SP4: variants seen among roughly 807,000 people sequenced by gnomAD.
The protein encoded by SP4 is Sp4 transcription factor, also known as transcription factor Sp4.
In SP4, 19 loss-of-function variants were observed where a neutral mutation model predicts 72.8. That is an observed-to-expected ratio of 0.26 (90% CI 0.18 to 0.38). SP4 has a LOEUF of 0.38. SP4 is among the 10% of genes least tolerant of loss of function. The pLI is 1.00. For synonymous variants in SP4, 395 were observed against 333.1 expected (o/e 1.19, Z -2.02); for missense variants, 1,008 against 926.3 (o/e 1.09, Z -1.14).
chr7:21,430,782 C>A lies in SP4; in HGVS notation c.1617C>A (p.Ala539=), dbSNP rs1782819250. 6.2e-7 allele frequency: 1 copy of A among 1,614,062 alleles called. No individual in the cohort carries two copies. Among genetic ancestry groups the A allele is most frequent in the African/African-American group, 1.3e-5 (1 of 74,930 alleles). The change falls in exon 3 of 6, where the codon GCC becomes GCA. Residue 539 remains alanine (A), a synonymous_variant. Transcript: ENST00000222584. ...SVPNLQTVSV[A]NLGAAGVQVQ... is the part of the protein sequence containing the mutation. ...CTAACCTTCAGACAGTGAGCGTTGC[C>A]AACCTGGGTGCTGCAGGTGTTCAAG...
intron 4 of SP4, among the ~76,000 whole-genome samples, chr7:21,481,539 A>G (rs933653999): frequency 2.6e-5 from 4 of 152,190 alleles, no homozygotes; most frequent in Admixed American, 2.6e-4. Context: ...AACTCCTCAC[A>G]CTGCCCTGCT....
rs957477542 is a variant in SP4 at position 21,508,137 on chromosome 7, G to A, written c.2108-2885G>A. The stretch of plus-strand genomic sequence containing the variant: ...GCTTCTGTGGGGAGCCAGGATGCCC[G>A]GACAGAGTGGGCCACCCAAATCGGG... On this transcript the variant is annotated intron_variant, in intron 5 of 5. Transcript: ENST00000222584. Among the ~76,000 whole-genome samples the A allele has an allele frequency of 4.6e-5, 7 of 152,156 alleles. No individual in the cohort carries two copies. In the South Asian group the frequency reaches 1.2e-3, roughly 27 times the overall value.
At chr7:21,494,627 G>A (rs1368650659) in intron 5 of SP4, among the ~76,000 whole-genome samples, 2 of 152,138 alleles carry the variant, frequency 1.3e-5, no homozygotes, top group African/African-American at 2.4e-5. Flanking sequence ...AGAATGCAAT[G>A]AAGAACTACA....
rs147170473 is a variant in SP4, at chr7:21,430,259, C to G, written c.1094C>G (p.Pro365Arg). 5 of 1,614,256 alleles carry G rather than the reference C, an allele frequency of 3.1e-6. No individual in the cohort carries two copies. The highest frequency in any genetic ancestry group is 4.2e-6 in the Non-Finnish European group (5 of 1,180,056). ...SERTIEESQT[P>R]AATESEAQSS... ...CGCACCATTGAAGAATCTCAAACAC[C>G]TGCTGCTACTGAGTCTGAAGCCCAG... is the stretch of plus-strand genomic sequence containing the variant. The change falls in exon 3 of 6, where the codon CCT becomes CGT. Residue 365 changes from proline to arginine, a missense_variant. By Grantham distance (103) the Pro-to-Arg change is moderately radical (BLOSUM62 -2). Transcript: ENST00000222584.
intron 3 of SP4, among the ~76,000 whole-genome samples, chr7:21,461,909 G>A (rs1464714061): frequency 6.6e-6 from 1 of 152,188 alleles, no homozygotes; most frequent in African/African-American, 2.4e-5. Context: ...GTTGGTAGAA[G>A]TTTGGTTGTA....
At chr7:21,461,606 G>A (rs950470702) in intron 3 of SP4, among the ~76,000 whole-genome samples, 1 of 152,122 alleles carries the variant, frequency 6.6e-6, no homozygotes, top group Non-Finnish European at 1.5e-5. Flanking sequence ...GCGCAGCCCC[G>A]GTTGCCACCC....
chr7:21,466,169 C>G (rs544117481), intron 3 of SP4, among the ~76,000 whole-genome samples: 1 of 152,206 alleles, frequency 6.6e-6, no homozygotes, highest in African/African-American at 2.4e-5. Context: ...TGTGTCTTCC[C>G]TACAGGTGAG....
chr7:21,454,089 A>G (rs184612036), intron 3 of SP4, among the ~76,000 whole-genome samples: 38 of 152,310 alleles, frequency 2.5e-4, no homozygotes, highest in African/African-American at 8.2e-4. Context: ...AGCAGCTTTT[A>G]CTTTGGATGA....
intron 3 of SP4, among the ~76,000 whole-genome samples, chr7:21,446,146 A>G (rs1783420518): frequency 6.6e-6 from 1 of 152,012 alleles, no homozygotes; most frequent in African/African-American, 2.4e-5. Flanking sequence ...ATTATATTCT[A>G]TACCTATTCA....
chr7:21,471,073 G>A (rs535200691), intron 3 of SP4: 8 of 534,612 alleles, frequency 1.5e-5, no homozygotes, highest in Admixed American at 1.9e-5. Context: ...TCAAATGCTC[G>A]GAGACACAGA....
rs1219198423 is a variant in SP4 at position 21,513,826 on chromosome 7, TAGC to T, written c.*2560_*2562del. On this transcript the variant is annotated 3_prime_UTR_variant, in exon 6 of 6. Coordinates refer to ENST00000222584, the MANE Select transcript of SP4 (RefSeq NM_003112.5). ...GCATATAAAATATGTTAATTTGTGTTAGCAGGTGCACATTTCACCACTGAAATT... is the reference window on the plus strand; with the variant it reads ...GCATATAAAATATGTTAATTTGTGTTAGGTGCACATTTCACCACTGAAATT... 6.6e-6 allele frequency: 1 copy of T among 152,194 alleles called. No individual in the cohort carries two copies. The highest frequency in any genetic ancestry group is 2.4e-5 in the African/African-American group (1 of 41,464). 9.4% of individuals were successfully genotyped at this position (152,194 alleles called of 1,614,324 possible).
chr7:21,477,334 C>G (rs1335803243), intron 4 of SP4, 27 bp downstream of exon 4: 2 of 1,506,990 alleles, frequency 1.3e-6, no homozygotes, highest in Non-Finnish European at 1.8e-6. Flanking sequence ...TCAACTGTGT[C>G]TATTTGGAAG....
intron 5 of SP4, among the ~76,000 whole-genome samples, chr7:21,494,800 G>A (rs777705390): frequency 6.6e-6 from 1 of 152,116 alleles, no homozygotes; most frequent in African/African-American, 2.4e-5. Flanking sequence ...GAAAGGCAAA[G>A]CAATTAGAAT....
At chr7:21,497,993 C>G (rs1015321068) in intron 5 of SP4, among the ~76,000 whole-genome samples, 4 of 152,112 alleles carry the variant, frequency 2.6e-5, no homozygotes, top group Non-Finnish European at 5.9e-5. Flanking sequence ...ATCTAAACCT[C>G]CTTAAGTCTT....
rs775375148 is a variant in SP4 at position 21,429,494 on chromosome 7, C to T, written c.329C>T (p.Pro110Leu). 5.0e-6 allele frequency: 8 copies of T among 1,614,230 alleles called. No individual in the cohort carries two copies. Among genetic ancestry groups the T allele is most frequent in the South Asian group, 1.1e-5 (1 of 91,090 alleles). Residue 110 changes from proline to leucine, a missense_variant, in exon 3 of 6, where the codon CCT becomes CTT. Physicochemically the swap from Pro to Leu is moderately conservative, Grantham distance 98. Coordinates refer to ENST00000222584, the MANE Select transcript of SP4 (RefSeq NM_003112.5). The part of the protein sequence containing the change: ...NAWQLVASTP[P>L]ASKENNVSQP... ...TGGCAACTTGTTGCCTCCACTCCTC[C>T]TGCTTCAAAAGAGAATAACGTTTCT... is the stretch of plus-strand genomic sequence containing the variant.
intron 3 of SP4, among the ~76,000 whole-genome samples, chr7:21,434,942 A>G (rs144939514): frequency 6.6e-6 from 1 of 151,992 alleles, no homozygotes; most frequent in East Asian, 1.9e-4. Context: ...AAGCTCCTTT[A>G]TTTTAACTAA....
intron 3 of SP4, among the ~76,000 whole-genome samples, chr7:21,446,054 A>ATGTGTG (rs3060612): frequency 1.2e-4 from 18 of 147,656 alleles, no homozygotes; most frequent in African/African-American, 4.2e-4. Flanking sequence ...GTAGATATAT[A>ATGTGTG]TGTGTGTGTG....
intron 3 of SP4, among the ~76,000 whole-genome samples, chr7:21,445,980 TTATGTGTATGTGTG>T (rs1479654465): frequency 2.4e-5 from 3 of 124,284 alleles, no homozygotes; most frequent in African/African-American, 1.0e-4. Flanking sequence ...TTTGTGTATC[TTATGTGTATGTGTG>T]TGTGTGTGTG....
chr7:21,438,523 G>C (rs1783124959), intron 3 of SP4, among the ~76,000 whole-genome samples: 1 of 151,886 alleles, frequency 6.6e-6, no homozygotes, highest in African/African-American at 2.4e-5. Context: ...ATTTTTCTAT[G>C]TCGTTTCCTC....
Sources: gnomAD v4.1 joint callset for allele counts (sites outside exome capture counted in the v4.1 genomes callset) on GRCh38, gnomAD v4.1.1 for gene constraint, MANE v1.5 for transcripts, NCBI Gene and HGNC (gene_info 2026-07-23, HGNC 2026-07-21) for gene names.